Variants in TBC1D5 observed in about 807,000 individuals in gnomAD.
TBC1D5 encodes the protein TBC1 domain family member 5.
Under a neutral mutation model 100.3 loss-of-function variants are expected in TBC1D5, and 75 were observed. The ratio of observed to expected loss-of-function variants is 0.75; its 90% CI spans 0.62 to 0.91. The LOEUF is 0.91. Among genes scored for constraint, TBC1D5 ranks in the 40% least tolerant of loss-of-function variants. The pLI, the probability that TBC1D5 is intolerant of heterozygous loss-of-function variation, is 0.00. For missense variants in TBC1D5, 910 were observed against 942.4 expected (o/e 0.97, Z 0.45); for synonymous variants, 323 against 325.6 (o/e 0.99, Z 0.09).
At chr3:17,728,349 T>C (rs2076286207) in intron 1 of TBC1D5, among the ~76,000 whole-genome samples, 1 of 150,220 alleles carries the variant, frequency 6.7e-6, no homozygotes, top group African/African-American at 2.5e-5. Context: ...CCAATGTTTG[T>C]AGGTATTTTC....
At chr3:17,487,809 TTTAA>T (rs1338485265) in intron 3 of TBC1D5, among the ~76,000 whole-genome samples, 5 of 152,162 alleles carry the variant, frequency 3.3e-5, no homozygotes, top group African/African-American at 7.2e-5. Flanking sequence ...TTGGATTCTT[TTTAA>T]TTAATAGATT....
chr3:17,508,534 G>C (rs371251628), exon 3 of TBC1D5: 2 of 1,613,634 alleles, frequency 1.2e-6, no homozygotes, highest in Non-Finnish European at 1.7e-6. Context: ...TCTTCTGGCT[G>C]CAGAGGATGT....
intron 15 of TBC1D5, among the ~76,000 whole-genome samples, chr3:17,285,067 A>G (rs1354474076): frequency 6.6e-6 from 1 of 151,998 alleles, no homozygotes; most frequent in Middle Eastern, 3.2e-3. Context: ...AGTAAAAAAA[A>G]AAAAAGATGA....
At chr3:17,558,153 T>C (rs1036981642) in intron 2 of TBC1D5, among the ~76,000 whole-genome samples, 1 of 152,204 alleles carries the variant, frequency 6.6e-6, no homozygotes, top group African/African-American at 2.4e-5. Flanking sequence ...GAAACGAAAG[T>C]CAACTCTAAA....
intron 16 of TBC1D5, 40 bp from the exon 17 acceptor site, chr3:17,238,459 A>T (rs2076054447): frequency 1.3e-6 from 2 of 1,577,354 alleles, no homozygotes; most frequent in Non-Finnish European, 1.7e-6. Context: ...TTTACATTAG[A>T]GGATGATTCT....
intron 3 of TBC1D5, among the ~76,000 whole-genome samples, chr3:17,443,086 T>C (rs939582796): frequency 2.6e-5 from 4 of 152,210 alleles, no homozygotes; most frequent in African/African-American, 7.2e-5. Context: ...CAGAAAAATA[T>C]GATCAATTAT....
intron 17 of TBC1D5, among the ~76,000 whole-genome samples, chr3:17,236,548 C>T (rs994672508): frequency 2.0e-5 from 3 of 151,142 alleles, no homozygotes; most frequent in African/African-American, 4.9e-5. Flanking sequence ...TGCAGTGGCA[C>T]GATCTTGGCT....
intron 8 of TBC1D5, among the ~76,000 whole-genome samples, chr3:17,385,352 CAT>C (rs766817833): frequency 6.6e-6 from 1 of 152,000 alleles, no homozygotes; most frequent in Non-Finnish European, 1.5e-5. Context: ...AGCATGAAGG[CAT>C]AGAGCATTAT....
chr3:17,213,521 T>C (rs2073234563), intron 18 of TBC1D5, among the ~76,000 whole-genome samples: 1 of 152,028 alleles, frequency 6.6e-6, no homozygotes, highest in African/African-American at 2.4e-5. Context: ...ATCCCAGCAT[T>C]TTGGAAGGCC....
chr3:17,587,516 G>A (rs977242913), intron 2 of TBC1D5, among the ~76,000 whole-genome samples: 5 of 151,842 alleles, frequency 3.3e-5, no homozygotes, highest in African/African-American at 7.2e-5. Context: ...TACTAAAATC[G>A]AGTAACAAAA....
At chr3:17,574,141 G>A (rs2096643762) in intron 2 of TBC1D5, among the ~76,000 whole-genome samples, 1 of 151,992 alleles carries the variant, frequency 6.6e-6, no homozygotes, top group Admixed American at 6.6e-5. Flanking sequence ...GAACTTTGCT[G>A]GGAATCATCC....
chr3:17,698,114 G>A (rs1292825299), intron 1 of TBC1D5, among the ~76,000 whole-genome samples: 3 of 151,558 alleles, frequency 2.0e-5, no homozygotes, highest in Non-Finnish European at 2.9e-5. Context: ...AACAAAGCTG[G>A]AGGCATCATG....
At chr3:17,487,724 A>T (rs2150459821) in intron 3 of TBC1D5, among the ~76,000 whole-genome samples, 1 of 152,350 alleles carries the variant, frequency 6.6e-6, no homozygotes, top group East Asian at 1.9e-4. Context: ...GTATTAAACT[A>T]GCATGAGGAA....
chr3:17,333,486 A>G (rs2087184028), intron 13 of TBC1D5: 1 of 152,208 alleles, frequency 6.6e-6, no homozygotes, highest in Admixed American at 6.5e-5. Context: ...AATGTTTAAT[A>G]CAATTAAAAA....
At chr3:17,445,388 C>T (rs2094765368) in intron 3 of TBC1D5, among the ~76,000 whole-genome samples, 1 of 151,126 alleles carries the variant, frequency 6.6e-6, no homozygotes, top group African/African-American at 2.4e-5. Context: ...ATAGACAATA[C>T]TTTTGTGAAA....
At chr3:17,360,528 T>C (rs2091610726) in intron 13 of TBC1D5, among the ~76,000 whole-genome samples, 2 of 152,124 alleles carry the variant, frequency 1.3e-5, no homozygotes, top group East Asian at 1.9e-4. Context: ...ATGAACTATT[T>C]TGGCCTATCA....
intron 2 of TBC1D5, chr3:17,575,199 G>A (rs2096650193): frequency 6.6e-6 from 1 of 151,746 alleles, no homozygotes; most frequent in East Asian, 1.9e-4. Context: ...ATAGTGATGT[G>A]TACCTGTAGT....
intron 13 of TBC1D5, among the ~76,000 whole-genome samples, chr3:17,315,350 A>G (rs1163004953): frequency 6.6e-6 from 1 of 152,232 alleles, no homozygotes; most frequent in Non-Finnish European, 1.5e-5. Context: ...TGTGAGGGTG[A>G]CAGAAGTGAG....
intron 4 of TBC1D5, among the ~76,000 whole-genome samples, chr3:17,410,428 A>T (rs190490479): frequency 6.6e-6 from 1 of 152,264 alleles, no homozygotes; most frequent in Admixed American, 6.5e-5. Flanking sequence ...GCGGCCCATG[A>T]AGTGGGGAGT....
Sources: allele counts gnomAD v4.1 joint callset (sites outside exome capture counted in the v4.1 genomes callset), GRCh38; gene constraint gnomAD v4.1.1; transcripts MANE v1.5; gene names NCBI Gene and HGNC (gene_info 2026-07-23, HGNC 2026-07-21).